The following FANCC variants were observed in gnomAD, a reference collection of about 807,000 sequenced individuals.
The protein encoded by FANCC is FA complementation group C, also known as Fanconi anemia group C protein.
A neutral mutation model predicts 71.3 loss-of-function variants in FANCC; 55 were observed. The observed-to-expected ratio is 0.77, with a 90% CI of 0.62 to 0.97. The LOEUF (loss-of-function observed/expected upper bound fraction) is 0.97, where lower values mean the gene tolerates loss of function less well. Ranked by LOEUF, FANCC falls within the 50% of genes least tolerant of loss-of-function variation. The pLI, the probability that FANCC is intolerant of heterozygous loss-of-function variation, is 0.00. For synonymous variants in FANCC, 275 were observed against 244.9 expected, an observed-to-expected ratio of 1.12 and a Z score of -1.15; for missense variants, 678 against 670.9, an observed-to-expected ratio of 1.01 and a Z score of -0.12.
At chr9:95,229,340 G>A (rs1419565027) in intron 4 of FANCC, among the ~76,000 whole-genome samples, 1 of 151,408 alleles carries the variant, frequency 6.6e-6, no homozygotes, top group Non-Finnish European at 1.5e-5. Flanking sequence ...GAGACTCTAG[G>A]AGAGCACACA....
At chr9:95,213,337 T>G (rs1324479756) in intron 4 of FANCC, among the ~76,000 whole-genome samples, 1 of 152,130 alleles carries the variant, frequency 6.6e-6, no homozygotes, top group South Asian at 2.1e-4. Flanking sequence ...TCAAAAGAGT[T>G]AGAATAGCCA....
intron 1 of FANCC, chr9:95,292,465 G>T: frequency 2.3e-5 from 30 of 1,303,362 alleles, no homozygotes; most frequent in Non-Finnish European, 2.8e-5. Flanking sequence ...CCGGGACCCC[G>T]ACTGAGGGGC....
chr9:95,265,376 G>T (rs867610035), intron 1 of FANCC, among the ~76,000 whole-genome samples: 1 of 152,104 alleles, frequency 6.6e-6, no homozygotes, highest in Admixed American at 6.6e-5. Flanking sequence ...CTCAGCAATG[G>T]GGGGAGAGGA....
chr9:95,125,212 C>T (rs753127223), intron 9 of FANCC, 27 bp from the exon 10 acceptor site: 1 of 1,577,472 alleles, frequency 6.3e-7, no homozygotes, highest in Non-Finnish European at 8.7e-7. Context: ...CAGATCAGAA[C>T]ACGTTTAACA....
intron 1 of FANCC, among the ~76,000 whole-genome samples, chr9:95,301,856 T>A (rs537630094): frequency 6.7e-6 from 1 of 149,314 alleles, no homozygotes; most frequent in East Asian, 2.0e-4. Flanking sequence ...GGCAGGTGAA[T>A]CACGAGGTCA....
chr9:95,196,768 A>C (rs954792955), intron 4 of FANCC, among the ~76,000 whole-genome samples: 2 of 152,124 alleles, frequency 1.3e-5, no homozygotes, highest in African/African-American at 2.4e-5. Context: ...TCAAGATCCC[A>C]ACCTCAAGTA....
At chr9:95,160,706 A>G (rs534700557) in intron 6 of FANCC, among the ~76,000 whole-genome samples, 1 of 152,182 alleles carries the variant, frequency 6.6e-6, no homozygotes, top group East Asian at 1.9e-4. Context: ...TATTTCCTTG[A>G]GCAGTGGTTT....
intron 14 of FANCC, among the ~76,000 whole-genome samples, chr9:95,102,259 G>C (rs924216010): frequency 3.3e-5 from 5 of 152,220 alleles, no homozygotes; most frequent in Admixed American, 6.5e-5. Context: ...ACGAACATGA[G>C]AATTGGAAAA....
chr9:95,213,292 A>T (rs1828622946), intron 4 of FANCC, among the ~76,000 whole-genome samples: 1 of 152,162 alleles, frequency 6.6e-6, no homozygotes. Flanking sequence ...AATAAGCAAA[A>T]AGTAGAGATG....
chr9:95,278,888 T>C (rs1395801213), intron 1 of FANCC, among the ~76,000 whole-genome samples: 1 of 151,894 alleles, frequency 6.6e-6, no homozygotes, highest in South Asian at 2.1e-4. Flanking sequence ...TGCTACATTA[T>C]GAAATATTCA....
intron 1 of FANCC, among the ~76,000 whole-genome samples, chr9:95,257,567 C>T (rs1041468838): frequency 6.6e-6 from 1 of 152,142 alleles, no homozygotes; most frequent in Non-Finnish European, 1.5e-5. Flanking sequence ...TAAATGCCCA[C>T]AAGAGAAAGC....
intron 7 of FANCC, among the ~76,000 whole-genome samples, chr9:95,141,232 A>G (rs1828616758): frequency 7.1e-6 from 1 of 140,856 alleles, no homozygotes. Context: ...GAATCACCTG[A>G]GCCTGGGAGG....
chr9:95,270,925 G>A (rs1366294435), intron 1 of FANCC, among the ~76,000 whole-genome samples: 23 of 152,154 alleles, frequency 1.5e-4, no homozygotes, highest in Admixed American at 1.5e-3. Flanking sequence ...GTAGTGGAGA[G>A]GAGCAGTCAC....
intron 1 of FANCC, among the ~76,000 whole-genome samples, chr9:95,254,760 C>A (rs1474024417): frequency 2.6e-5 from 4 of 152,140 alleles, no homozygotes; most frequent in African/African-American, 4.8e-5. Context: ...GGGCTGAAGC[C>A]AGGGAGCCAA....
intron 4 of FANCC, among the ~76,000 whole-genome samples, chr9:95,222,350 T>G (rs1286264645): frequency 2.0e-5 from 3 of 151,990 alleles, no homozygotes; most frequent in Admixed American, 6.5e-5. Flanking sequence ...TGGATAAATC[T>G]CAGAAACATT....
intron 4 of FANCC, among the ~76,000 whole-genome samples, chr9:95,212,086 A>G (rs892572599): frequency 3.9e-5 from 6 of 152,142 alleles, no homozygotes; most frequent in African/African-American, 1.4e-4. Flanking sequence ...GAGAAAACAG[A>G]TGGGGAAAAT....
chr9:95,277,979 A>AT lies in FANCC; in HGVS notation c.-78-28611dup, dbSNP rs1198680339. On this transcript the variant is annotated intron_variant, in intron 1 of 14. Transcript: ENST00000289081. ...GATAATTATGTAATTATAAATGCAC[A>AT]TTTTTTCTCTCTTATTCTCATAACT... Among the ~76,000 whole-genome samples, 5 of 152,310 alleles carry AT rather than the reference A, an allele frequency of 3.3e-5. No individual in the cohort carries two copies. In the South Asian group the frequency reaches 1.0e-3, roughly 32 times the overall value.
At chr9:95,315,648 G>A (rs1403780945) in intron 1 of FANCC, among the ~76,000 whole-genome samples, 1 of 152,164 alleles carries the variant, frequency 6.6e-6, no homozygotes, top group Non-Finnish European at 1.5e-5. Context: ...CCACAAACAA[G>A]ACAGAGAATG....
intron 1 of FANCC, among the ~76,000 whole-genome samples, chr9:95,296,273 C>T (rs977986874): frequency 3.0e-4 from 46 of 152,144 alleles, no homozygotes; most frequent in African/African-American, 1.0e-3. Flanking sequence ...ATGACCTAGA[C>T]ACACTAATTA....
Sources: gnomAD v4.1 joint callset for allele counts (sites outside exome capture counted in the v4.1 genomes callset) on GRCh38, gnomAD v4.1.1 for gene constraint, MANE v1.5 for transcripts, NCBI Gene and HGNC (gene_info 2026-07-23, HGNC 2026-07-21) for gene names.